ANO10: variants seen among roughly 807,000 people sequenced by gnomAD.
ANO10 encodes anoctamin-10.
In ANO10, 77 loss-of-function variants were observed where a neutral mutation model predicts 74.7. That is an observed-to-expected ratio of 1.03 (90% CI 0.86 to 1.25). The LOEUF (loss-of-function observed/expected upper bound fraction) is 1.25. ANO10 is among the 50% of genes most tolerant of loss of function. ANO10 has a pLI of 0.00. For missense variants in ANO10, 721 were observed against 778.1 expected (o/e 0.93, Z 0.87); for synonymous variants, 279 against 284.9 (o/e 0.98, Z 0.21).
intron 11 of ANO10, among the ~76,000 whole-genome samples, chr3:43,541,808 G>A (rs745843644): frequency 2.6e-5 from 4 of 152,204 alleles, no homozygotes; most frequent in Non-Finnish European, 5.9e-5. Context: ...GGAGCCACGT[G>A]ATTGTCATAC....
intron 11 of ANO10, among the ~76,000 whole-genome samples, chr3:43,487,456 C>G (rs1163082023): frequency 6.6e-6 from 1 of 151,946 alleles, no homozygotes. Context: ...GGTTGGTAAG[C>G]TATTGATTAT....
chr3:43,419,424 A>G (rs1213908258), intron 12 of ANO10, among the ~76,000 whole-genome samples: 2 of 152,224 alleles, frequency 1.3e-5, no homozygotes, highest in African/African-American at 2.4e-5. Flanking sequence ...GATCATTTCT[A>G]TAGAATTTTT....
At chr3:43,674,293 C>T (rs1444139891) in intron 1 of ANO10, among the ~76,000 whole-genome samples, 1 of 152,160 alleles carries the variant, frequency 6.6e-6, no homozygotes, top group Non-Finnish European at 1.5e-5. Flanking sequence ...GCATGCATCA[C>T]CATACACAGC....
intron 11 of ANO10, among the ~76,000 whole-genome samples, chr3:43,542,535 C>T (rs1256302497): frequency 6.6e-6 from 1 of 152,150 alleles, no homozygotes; most frequent in African/African-American, 2.4e-5. Context: ...AACAGTGGTG[C>T]TATAAACTGT....
At chr3:43,503,834 C>T (rs2077185028) in intron 11 of ANO10, among the ~76,000 whole-genome samples, 2 of 152,150 alleles carry the variant, frequency 1.3e-5, no homozygotes, top group Non-Finnish European at 2.9e-5. Flanking sequence ...CTATTAAAAA[C>T]TGCATTCTAA....
intron 1 of ANO10, among the ~76,000 whole-genome samples, chr3:43,636,942 T>A (rs944606097): frequency 8.5e-5 from 13 of 152,240 alleles, no homozygotes; most frequent in Non-Finnish European, 1.6e-4. Flanking sequence ...GGCGAGTGGA[T>A]CCTTGAGCCC....
intron 11 of ANO10, among the ~76,000 whole-genome samples, chr3:43,493,493 T>C (rs2149124923): frequency 6.6e-6 from 1 of 152,350 alleles, no homozygotes; most frequent in Non-Finnish European, 1.5e-5. Flanking sequence ...TAATATGCCA[T>C]TTATTTATTG....
intron 9 of ANO10, among the ~76,000 whole-genome samples, chr3:43,559,678 C>T (rs773025563): frequency 2.6e-5 from 4 of 151,992 alleles, no homozygotes; most frequent in Non-Finnish European, 5.9e-5. Flanking sequence ...ACTGCTGGTG[C>T]AGTTTCTATA....
rs572785065 is a variant in ANO10 at position 43,421,184 on chromosome 3, C to A, written c.1914+11427G>T. Among the ~76,000 whole-genome samples, 53 of 151,862 alleles carry A rather than the reference C, an allele frequency of 3.5e-4. 3 individuals carry two copies. In the South Asian group the frequency reaches 1.0e-2, roughly 29 times the overall value. On this transcript the variant is annotated intron_variant, in intron 12 of 12. Transcript: ENST00000292246. ...GTTGCAGGGAACCCAGATTGCGCCA[C>A]CACACTCCAGGGTAGATGACAGAGC...
chr3:43,572,569 C>CA (rs2080789714), intron 7 of ANO10, among the ~76,000 whole-genome samples: 1 of 152,192 alleles, frequency 6.6e-6, no homozygotes, highest in African/African-American at 2.4e-5. Context: ...TAAGCATGAA[C>CA]TCCCCTGCCC....
At chr3:43,633,995 C>CAA (rs5848667) in intron 1 of ANO10, among the ~76,000 whole-genome samples, 13,192 of 123,826 alleles carry the variant, frequency 0.11, 1,112 homozygotes, top group African/African-American at 0.23. Flanking sequence ...TCATGGACAG[C>CAA]AAAAAAAAAA....
At chr3:43,676,705 G>A (rs2084127111) in intron 1 of ANO10, among the ~76,000 whole-genome samples, 3 of 152,092 alleles carry the variant, frequency 2.0e-5, no homozygotes, top group Non-Finnish European at 2.9e-5. Context: ...TTACCACAAG[G>A]GGAAGTTGGT....
intron 11 of ANO10, among the ~76,000 whole-genome samples, chr3:43,536,951 G>A (rs1374749049): frequency 3.0e-5 from 4 of 131,588 alleles, no homozygotes; most frequent in Non-Finnish European, 6.2e-5. Context: ...GCACCCAGCT[G>A]TGAAACCATC....
Position 43,597,947 on chromosome 3 carries a change from A to C in ANO10, c.472+585T>G, listed in dbSNP as rs770271042. 2.4e-4 allele frequency among the ~76,000 whole-genome samples: 36 copies of C among 152,180 alleles called. No homozygotes were observed. In the East Asian group the frequency reaches 2.5e-3, roughly 11 times the overall value. The stretch of plus-strand genomic sequence containing the variant: ...ACAAACAAAACAACAACAACAACAA[A>C]AAAAACAGACTAGGGGACACAGAAG... On this transcript the variant is annotated intron_variant, in intron 4 of 12. Transcript: ENST00000292246.
chr3:43,447,588 G>A (rs2148985272), intron 11 of ANO10, among the ~76,000 whole-genome samples: 1 of 152,296 alleles, frequency 6.6e-6, no homozygotes, highest in African/African-American at 2.4e-5. Flanking sequence ...GAAGAAGAAA[G>A]ACACTGATTC....
At chr3:43,552,583 GA>G (rs2079517078) in intron 10 of ANO10, among the ~76,000 whole-genome samples, 4 of 151,170 alleles carry the variant, frequency 2.6e-5, no homozygotes, top group Admixed American at 6.6e-5. Flanking sequence ...TTAGTTAAGA[GA>G]ACTTCCTATA....
chr3:43,412,517 A>C (rs889522440), intron 12 of ANO10, among the ~76,000 whole-genome samples: 6 of 152,174 alleles, frequency 3.9e-5, no homozygotes, highest in Admixed American at 2.6e-4. Context: ...AACCCTGCAA[A>C]GCTGTTCCCA....
intron 1 of ANO10, chr3:43,653,031 C>A (rs1205583739): frequency 6.6e-6 from 1 of 151,570 alleles, no homozygotes; most frequent in Non-Finnish European, 1.5e-5. Flanking sequence ...ATGGTGAAAC[C>A]CCATCTCTAC....
chr3:43,401,649 C>T (rs553079707), intron 12 of ANO10, among the ~76,000 whole-genome samples: 15 of 152,192 alleles, frequency 9.9e-5, no homozygotes, highest in Admixed American at 3.9e-4. Context: ...GAATTAAAAT[C>T]GGGACAATTC....
Sources: gnomAD v4.1 joint callset for allele counts (sites outside exome capture counted in the v4.1 genomes callset) on GRCh38, gnomAD v4.1.1 for gene constraint, MANE v1.5 for transcripts, NCBI Gene and HGNC (gene_info 2026-07-23, HGNC 2026-07-21) for gene names.